Variants in KHDRBS2 observed in about 807,000 individuals in gnomAD.
KHDRBS2 encodes KH domain-containing, RNA-binding, signal transduction-associated protein 2.
A neutral mutation model predicts 44.3 loss-of-function variants in KHDRBS2; 26 were observed. The observed-to-expected ratio is 0.59, with a 90% confidence interval of 0.43 to 0.81. The LOEUF (loss-of-function observed/expected upper bound fraction) is 0.81, where lower values mean the gene tolerates loss of function less well. Among genes scored for constraint, KHDRBS2 ranks in the 40% least tolerant of loss-of-function variants. The pLI is 0.00. For synonymous variants in KHDRBS2, 194 were observed against 151.1 expected (o/e 1.28, Z -2.08); for missense variants, 476 against 433.1 (o/e 1.10, Z -0.88).
intron 1 of KHDRBS2, among the ~76,000 whole-genome samples, chr6:62,199,081 C>T (rs1052399731): frequency 1.3e-5 from 2 of 152,128 alleles, no homozygotes; most frequent in Non-Finnish European, 2.9e-5. Flanking sequence ...ATTAATGGGA[C>T]GTATTTCAAA....
intron 4 of KHDRBS2, among the ~76,000 whole-genome samples, chr6:61,945,977 T>C (rs554960567): frequency 6.6e-6 from 1 of 152,222 alleles, no homozygotes. Flanking sequence ...TCATTGTGTT[T>C]GCTTATGTGT....
At chr6:62,049,493 C>CAA (rs35805614) in intron 2 of KHDRBS2, among the ~76,000 whole-genome samples, 29,822 of 148,122 alleles carry the variant, frequency 0.2, 3,473 homozygotes, top group Admixed American at 0.31. Context: ...CAAAGAGCAC[C>CAA]AAAAAAAAAA....
intron 6 of KHDRBS2, among the ~76,000 whole-genome samples, chr6:61,762,807 G>A (rs1298345255): frequency 6.6e-6 from 1 of 152,154 alleles, no homozygotes; most frequent in Non-Finnish European, 1.5e-5. Flanking sequence ...AGCATTGAAA[G>A]TCTCTCAAAC....
intron 8 of KHDRBS2, among the ~76,000 whole-genome samples, chr6:61,689,721 C>A (rs1582173380): frequency 1.3e-5 from 2 of 152,100 alleles, no homozygotes; most frequent in South Asian, 4.2e-4. Context: ...AGAGACTGAT[C>A]TAACTATTTT....
the KHDRBS2 span, among the ~76,000 whole-genome samples, chr6:61,603,319 C>T: frequency 7.5e-3 from 1,146 of 152,284 alleles, 13 homozygotes; most frequent in African/African-American, 0.026. Context: ...CAATACCTCC[C>T]TCCACAACCC....
At chr6:62,095,375 T>C (rs1800362194) in intron 2 of KHDRBS2, among the ~76,000 whole-genome samples, 1 of 151,814 alleles carries the variant, frequency 6.6e-6, no homozygotes, top group Admixed American at 6.6e-5. Context: ...TATGCAGGTA[T>C]ATAATTTTTA....
At chr6:62,267,186 A>G (rs1585518332) in intron 1 of KHDRBS2, among the ~76,000 whole-genome samples, 1 of 152,172 alleles carries the variant, frequency 6.6e-6, no homozygotes, top group South Asian at 2.1e-4. Context: ...ATATCTTGCA[A>G]AAATTCCGGG....
At chr6:61,562,964 T>A in the KHDRBS2 span, among the ~76,000 whole-genome samples, 1 of 152,154 alleles carries the variant, frequency 6.6e-6, no homozygotes, top group Non-Finnish European at 1.5e-5. Flanking sequence ...TTTCCTTCTG[T>A]TTTTGCATTT....
intron 7 of KHDRBS2, among the ~76,000 whole-genome samples, chr6:61,699,473 T>A (rs1768320479): frequency 2.0e-5 from 3 of 152,004 alleles, no homozygotes; most frequent in Non-Finnish European, 4.4e-5. Context: ...TTTAACTATA[T>A]AAAAGTGTAT....
the KHDRBS2 span, among the ~76,000 whole-genome samples, chr6:61,658,880 A>C: frequency 6.6e-6 from 1 of 151,942 alleles, no homozygotes; most frequent in Non-Finnish European, 1.5e-5. Context: ...GCACTAGTAA[A>C]AATTTCCACA....
At chr6:62,120,008 A>T (rs1257411795) in intron 2 of KHDRBS2, among the ~76,000 whole-genome samples, 12 of 152,182 alleles carry the variant, frequency 7.9e-5, no homozygotes, top group Admixed American at 7.9e-4. Flanking sequence ...AAATCAGGAA[A>T]CAGGCATGGG....
chr6:62,116,367 C>T (rs974655994), intron 2 of KHDRBS2, among the ~76,000 whole-genome samples: 14 of 152,106 alleles, frequency 9.2e-5, no homozygotes, highest in Non-Finnish European at 1.2e-4. Flanking sequence ...CCCAGCCCTC[C>T]TACTCTTTGT....
chr6:62,141,270 G>T (rs967554160), intron 2 of KHDRBS2, among the ~76,000 whole-genome samples: 14 of 152,082 alleles, frequency 9.2e-5, no homozygotes, highest in African/African-American at 3.4e-4. Context: ...TGCTTTCTTC[G>T]TACAATGGGG....
the KHDRBS2 span, among the ~76,000 whole-genome samples, chr6:61,596,831 T>C: frequency 1.3e-5 from 2 of 152,066 alleles, no homozygotes; most frequent in Non-Finnish European, 2.9e-5. Flanking sequence ...TTTGTATTTT[T>C]AGTAGAGACG....
At chr6:62,215,137 G>T (rs1829760692) in intron 1 of KHDRBS2, among the ~76,000 whole-genome samples, 1 of 151,940 alleles carries the variant, frequency 6.6e-6, no homozygotes, top group African/African-American at 2.4e-5. Context: ...CAGTGAAGCA[G>T]CAGAAAGACA....
chr6:61,703,927 T>A (rs1769079024), intron 7 of KHDRBS2, among the ~76,000 whole-genome samples: 2 of 151,878 alleles, frequency 1.3e-5, no homozygotes, highest in South Asian at 4.1e-4. Context: ...GAGGAGAACA[T>A]CTATGATTCC....
intron 1 of KHDRBS2, among the ~76,000 whole-genome samples, chr6:62,200,771 A>G (rs1423998015): frequency 6.6e-6 from 1 of 152,216 alleles, no homozygotes; most frequent in African/African-American, 2.4e-5. Context: ...TGCTGCTATA[A>G]GGACACATGC....
the KHDRBS2 span, among the ~76,000 whole-genome samples, chr6:61,575,118 C>T: frequency 6.6e-6 from 1 of 152,166 alleles, no homozygotes; most frequent in Non-Finnish European, 1.5e-5. Context: ...TAGATGGCAC[C>T]TAATTAAACT....
At chr6:61,957,222 C>T (rs1338655721) in intron 4 of KHDRBS2, among the ~76,000 whole-genome samples, 7 of 152,102 alleles carry the variant, frequency 4.6e-5, no homozygotes, top group Admixed American at 4.6e-4. Flanking sequence ...TATGTCACCT[C>T]AGGACCCTGT....
Sources: allele counts gnomAD v4.1 joint callset (sites outside exome capture counted in the v4.1 genomes callset), GRCh38; gene constraint gnomAD v4.1.1; transcripts MANE v1.5; gene names NCBI Gene and HGNC (gene_info 2026-07-23, HGNC 2026-07-21).